Variants in CDH20 observed in about 807,000 individuals in gnomAD.
The protein encoded by CDH20 is cadherin 20.
CDH20 carries 29 observed loss-of-function variants against 74.2 expected under a neutral mutation model. The observed-to-expected ratio is 0.39, with a 90% CI of 0.29 to 0.53. CDH20 has a LOEUF of 0.53. Ranked by LOEUF, CDH20 falls within the 20% of genes least tolerant of loss-of-function variation. The pLI, the probability that CDH20 is intolerant of heterozygous loss-of-function variation, is 0.69. For missense variants in CDH20, 988 were observed against 1,048.3 expected, an observed-to-expected ratio of 0.94 and a Z score of 0.79; for synonymous variants, 469 against 405.4, an observed-to-expected ratio of 1.16 and a Z score of -1.88.
Position 61,555,471 on chromosome 18 carries a change from C to T in CDH20, c.*776C>T. ...ACCAGAAAAATCTGCCTCTTTTGCACTGTAGATGTCTCTTCCATGTGCCAA... is the reference window on the plus strand; with the variant it reads ...ACCAGAAAAATCTGCCTCTTTTGCATTGTAGATGTCTCTTCCATGTGCCAA... On this transcript the variant is annotated 3_prime_UTR_variant, in exon 12 of 12. Coordinates refer to ENST00000262717, the MANE Select transcript of CDH20 (RefSeq NM_031891.4). 1.0e-6 allele frequency: 1 copy of T among 985,404 alleles called. No individual in the cohort carries two copies. Among genetic ancestry groups the T allele is most frequent in the Non-Finnish European group, 1.2e-6 (1 of 829,912 alleles). The allele number at this position is 985,404 out of a possible 1,614,324, so 61.0% of individuals were successfully genotyped here.
At chr18:61,451,278 T>G (rs1372475078) in intron 1 of CDH20, among the ~76,000 whole-genome samples, 2 of 151,988 alleles carry the variant, frequency 1.3e-5, no homozygotes, top group Non-Finnish European at 2.9e-5. Context: ...TTCAACTACT[T>G]GTAAAATGTA....
At chr18:61,336,950 T>C (rs1909783017) in intron 1 of CDH20, among the ~76,000 whole-genome samples, 1 of 152,224 alleles carries the variant, frequency 6.6e-6, no homozygotes, top group South Asian at 2.1e-4. Context: ...AAAGGGCAGT[T>C]CTTCTTAGTT....
chr18:61,484,804 A>T (rs1391906972), intron 1 of CDH20, among the ~76,000 whole-genome samples: 1 of 150,776 alleles, frequency 6.6e-6, no homozygotes, highest in African/African-American at 2.5e-5. Context: ...CCATTATACA[A>T]AACTAGATAT....
At chr18:61,456,942 G>A (rs1347622454) in intron 1 of CDH20, among the ~76,000 whole-genome samples, 1 of 152,198 alleles carries the variant, frequency 6.6e-6, no homozygotes, top group South Asian at 2.1e-4. Context: ...CATTTCTTAA[G>A]GCTCCACCTT....
intron 1 of CDH20, among the ~76,000 whole-genome samples, chr18:61,378,484 G>A (rs1328921940): frequency 1.3e-5 from 2 of 152,286 alleles, no homozygotes; most frequent in Admixed American, 6.5e-5. Flanking sequence ...GATGATGCCT[G>A]CTCGCGTTGG....
chr18:61,500,077 C>A (rs1389868066), intron 3 of CDH20, among the ~76,000 whole-genome samples: 1 of 117,350 alleles, frequency 8.5e-6, no homozygotes, highest in African/African-American at 3.3e-5. Context: ...GCACTCCAGC[C>A]TGGCGACAGA....
intron 1 of CDH20, among the ~76,000 whole-genome samples, chr18:61,386,149 A>G (rs1911593709): frequency 6.6e-6 from 1 of 152,218 alleles, no homozygotes; most frequent in Non-Finnish European, 1.5e-5. Flanking sequence ...TCAGAAATTT[A>G]TCAATAAATA....
chr18:61,472,865 T>A (rs1910234355), intron 1 of CDH20, among the ~76,000 whole-genome samples: 1 of 152,222 alleles, frequency 6.6e-6, no homozygotes. Flanking sequence ...CAAATTTCTT[T>A]CATGGCTTCT....
intron 2 of CDH20, among the ~76,000 whole-genome samples, chr18:61,491,945 T>C (rs781483058): frequency 1.3e-5 from 2 of 152,114 alleles, no homozygotes; most frequent in Non-Finnish European, 2.9e-5. Flanking sequence ...GGTGGGCTTG[T>C]CAGCTTTGCC....
intron 6 of CDH20, among the ~76,000 whole-genome samples, chr18:61,511,159 GTGT>G (rs1241182023): frequency 3.4e-5 from 5 of 145,590 alleles, no homozygotes; most frequent in East Asian, 2.0e-4. Context: ...CCTAATTTTT[GTGT>G]TGTTGTTTGT....
At chr18:61,450,790 A>G (rs1909360832) in intron 1 of CDH20, among the ~76,000 whole-genome samples, 1 of 152,096 alleles carries the variant, frequency 6.6e-6, no homozygotes, top group Admixed American at 6.5e-5. Flanking sequence ...TTCCATTACT[A>G]TAAACATTGA....
chr18:61,411,533 AG>A (rs1912502928), intron 1 of CDH20, among the ~76,000 whole-genome samples: 1 of 151,482 alleles, frequency 6.6e-6, no homozygotes, highest in African/African-American at 2.4e-5. Flanking sequence ...GAGTGGATAA[AG>A]AAACTGCGAT....
intron 7 of CDH20, among the ~76,000 whole-genome samples, chr18:61,529,515 T>C (rs1189714470): frequency 1.3e-5 from 2 of 152,224 alleles, no homozygotes; most frequent in African/African-American, 4.8e-5. Context: ...ACTAATGTAT[T>C]ATATAACAAC....
chr18:61,476,251 T>C (rs1416550918), intron 1 of CDH20, among the ~76,000 whole-genome samples: 1 of 152,062 alleles, frequency 6.6e-6, no homozygotes, highest in Non-Finnish European at 1.5e-5. Flanking sequence ...CCCAAAGTCA[T>C]CACTCTGTGA....
At chr18:61,502,287 C>A (rs190668983) in intron 4 of CDH20, among the ~76,000 whole-genome samples, 54 of 152,166 alleles carry the variant, frequency 3.5e-4, no homozygotes, top group African/African-American at 1.3e-3. Context: ...TGCTTGCTCT[C>A]TGGGGAAATT....
intron 1 of CDH20, among the ~76,000 whole-genome samples, chr18:61,356,001 A>C (rs1209082487): frequency 6.6e-6 from 1 of 152,228 alleles, no homozygotes; most frequent in Non-Finnish European, 1.5e-5. Context: ...TCTGCACTTC[A>C]TTCTTCATCA....
intron 1 of CDH20, among the ~76,000 whole-genome samples, chr18:61,403,397 TA>T (rs1457882886): frequency 1.3e-5 from 2 of 152,234 alleles, no homozygotes; most frequent in Non-Finnish European, 1.5e-5. Flanking sequence ...GAGTTATCTT[TA>T]AAATACTTCT....
At chr18:61,469,369 AC>A (rs1910078425) in intron 1 of CDH20, among the ~76,000 whole-genome samples, 2 of 90,528 alleles carry the variant, frequency 2.2e-5, no homozygotes, top group Non-Finnish European at 4.5e-5. Flanking sequence ...ATGAATACAC[AC>A]ACACACACAC....
rs768586545 is a variant in CDH20, at chr18:61,507,487, A to G, written c.944A>G (p.Asp315Gly). 3 of 1,613,942 alleles carry G rather than the reference A, an allele frequency of 1.9e-6. No homozygotes were observed. The highest frequency in any genetic ancestry group is 2.2e-5 in the East Asian group (1 of 44,886). ...GCAGAGATGAAATATACTATTGTGG[A>G]TGGAGATGGTGCAGATGCCTTTGAC... ...INAEMKYTIV[D>G]GDGADAFDIS... The change falls in exon 6 of 12, where the codon GAT (aspartate) becomes GGT (glycine). Residue 315 changes from aspartate to glycine, a missense_variant. This residue lies in a region of CDH20 where 613 missense variants were observed against 755.2 expected (regional missense o/e 0.81). Coordinates refer to ENST00000262717, the MANE Select transcript of CDH20 (RefSeq NM_031891.4).
Sources: gnomAD v4.1 joint callset for allele counts (sites outside exome capture counted in the v4.1 genomes callset) on GRCh38, gnomAD v4.1.1 for gene constraint, gnomAD v4.1.1 regional missense constraint, MANE v1.5 for transcripts, NCBI Gene and HGNC (gene_info 2026-07-23, HGNC 2026-07-21) for gene names.